The following SCN10A variants were observed in gnomAD, a reference collection of about 807,000 sequenced individuals.
SCN10A encodes the protein sodium voltage-gated channel alpha subunit 10.
In SCN10A, 162 loss-of-function variants were observed where a neutral mutation model predicts 170.7. That is an observed-to-expected ratio of 0.95 (90% confidence interval 0.84 to 1.08). The LOEUF is 1.08. Ranked by LOEUF, SCN10A falls within the 50% of genes least tolerant of loss-of-function variation. The probability of loss-of-function intolerance (pLI) is 0.00; values close to 1 mark genes in which losing one functional copy is unlikely to be tolerated. For missense variants in SCN10A, 2,527 were observed against 2,436.9 expected (o/e 1.04, Z -0.78); for synonymous variants, 985 against 904.6 (o/e 1.09, Z -1.59).
At chr3:38,724,203 CT>C (rs1429657879) in intron 18 of SCN10A, among the ~76,000 whole-genome samples, 1 of 152,198 alleles carries the variant, frequency 6.6e-6, no homozygotes, top group Non-Finnish European at 1.5e-5. Flanking sequence ...CGTCCCAGCC[CT>C]CCCTCTTATC....
chr3:38,717,917 C>G (rs1166740153), intron 21 of SCN10A, among the ~76,000 whole-genome samples: 1 of 152,250 alleles, frequency 6.6e-6, no homozygotes, highest in Non-Finnish European at 1.5e-5. Flanking sequence ...GAAGAGATGA[C>G]TGAGGAATCA....
chr3:38,768,783 T>A (rs1178798850), intron 5 of SCN10A, among the ~76,000 whole-genome samples: 2 of 152,184 alleles, frequency 1.3e-5, no homozygotes, highest in African/African-American at 2.4e-5. Flanking sequence ...GCTTCTTGTA[T>A]TTGGATATCT....
intron 13 of SCN10A, among the ~76,000 whole-genome samples, chr3:38,747,935 C>T (rs1263218453): frequency 1.3e-5 from 2 of 152,118 alleles, no homozygotes; most frequent in African/African-American, 4.8e-5. Flanking sequence ...TTCATGTCCC[C>T]TTCCCTGCTA....
At chr3:38,800,150 C>T (rs903062625) in intron 1 of SCN10A, among the ~76,000 whole-genome samples, 1 of 152,076 alleles carries the variant, frequency 6.6e-6, no homozygotes, top group Admixed American at 6.6e-5. Flanking sequence ...GAAGCTAGAA[C>T]CAAAGCTCCT....
At chr3:38,735,058 T>C (rs1161198517) in intron 15 of SCN10A, among the ~76,000 whole-genome samples, 1 of 150,320 alleles carries the variant, frequency 6.7e-6, no homozygotes, top group Non-Finnish European at 1.5e-5. Flanking sequence ...TAGTCCCAGC[T>C]ACTCAGGAGG....
intron 25 of SCN10A, among the ~76,000 whole-genome samples, chr3:38,708,426 C>G (rs545041202): frequency 6.6e-6 from 1 of 152,158 alleles, no homozygotes; most frequent in Non-Finnish European, 1.5e-5. Flanking sequence ...TCAATAATCT[C>G]AAACCTCCCC....
At chr3:38,785,520 A>G (rs1279073139) in intron 4 of SCN10A, among the ~76,000 whole-genome samples, 6 of 152,212 alleles carry the variant, frequency 3.9e-5, no homozygotes, top group Non-Finnish European at 7.4e-5. Flanking sequence ...ACCTAAAACC[A>G]TAAAAACCCT....
In SCN10A at chr3:38,802,211, G is replaced by A. The variant is rs566537729; in HGVS notation, c.-32-8169C>T. 3.2e-4 allele frequency among the ~76,000 whole-genome samples: 49 copies of A among 152,204 alleles called. 1 individual carries two copies. The South Asian group carries it at 1.0e-2, about 31-fold the overall frequency. On this transcript the variant is annotated intron_variant, in intron 1 of 27. Transcript: ENST00000449082. The stretch of plus-strand genomic sequence containing the variant: ...TTTGGGAGCTTAAATATAGCTCTGG[G>A]CCTCAGTCAACTAATCTGGCCAGCT...
In SCN10A at chr3:38,743,932, G is replaced by A. The variant is rs987720776; in HGVS notation, c.1868-1403C>T. 5.3e-5 allele frequency among the ~76,000 whole-genome samples: 8 copies of A among 152,152 alleles called. 1 individual carries two copies. The highest frequency in any genetic ancestry group is 1.0e-4 in the Non-Finnish European group (7 of 68,038). ...TAAATCTCCATGTGGATGTGTAACT[G>A]TGTTCACCTCGATGGAGGGCAATTT... On this transcript the variant is annotated intron_variant, in intron 13 of 27. Coordinates refer to ENST00000449082, the MANE Select transcript of SCN10A (RefSeq NM_006514.4).
chr3:38,756,855 C>T lies in SCN10A; in HGVS notation c.1109G>A (p.Gly370Glu). The change falls in exon 10 of 28, where the codon GGG becomes GAG. Residue 370 changes from glycine to glutamate, a missense_variant. Physicochemically the swap from Gly to Glu is moderately conservative, Grantham distance 98 (BLOSUM62 -2). Coordinates refer to ENST00000449082, the MANE Select transcript of SCN10A (RefSeq NM_006514.4). ...CACAAAAAAGATCATATAGATTTTC[C>T]CAGAAGTCCTCAGGGTCTGCAGGTT... The part of the protein sequence containing the change: ...RLYQQTLRTS[G>E]KIYMIFFVLV... 1 of 1,614,152 alleles carries T rather than the reference C, an allele frequency of 6.2e-7. No homozygotes were observed. Among genetic ancestry groups the T allele is most frequent in the Non-Finnish European group, 8.5e-7 (1 of 1,180,036 alleles).
At position 38,697,528 on chromosome 3, in the gene SCN10A, T is replaced by C. The variant is rs2063103139; in HGVS notation, c.5692A>G (p.Thr1898Ala). 1 of 1,614,180 alleles carries C rather than the reference T, an allele frequency of 6.2e-7. No individual in the cohort carries two copies. Residue 1898 changes from threonine to alanine, a missense_variant, in exon 28 of 28, where the codon ACA (threonine) becomes GCA (alanine). Coordinates refer to ENST00000449082, the MANE Select transcript of SCN10A (RefSeq NM_006514.4). ...GGGAGTACACAATTTTCATTTGCTGTGAATGCAACAAAACCTTCATCTGGG... is the reference window on the plus strand; with the variant it reads ...GGGAGTACACAATTTTCATTTGCTGCGAATGCAACAAAACCTTCATCTGGG... ...SLPDEGFVAF[T>A]ANENCVLPDK... is the part of the protein sequence containing the mutation.
chr3:38,722,081 C>T (rs2063395496), intron 20 of SCN10A, among the ~76,000 whole-genome samples, 177 bp downstream of exon 20: 1 of 152,234 alleles, frequency 6.6e-6, no homozygotes, highest in Non-Finnish European at 1.5e-5. Context: ...TGAACACCTC[C>T]CATGCTCTGC....
intron 13 of SCN10A, among the ~76,000 whole-genome samples, chr3:38,748,105 A>G (rs1337167018): frequency 1.3e-5 from 2 of 152,186 alleles, no homozygotes; most frequent in African/African-American, 2.4e-5. Flanking sequence ...TCGAGAATAA[A>G]TGAAAAAAAC....
intron 26 of SCN10A, among the ~76,000 whole-genome samples, chr3:38,704,439 C>T (rs921493057): frequency 3.9e-5 from 6 of 152,152 alleles, no homozygotes; most frequent in Admixed American, 6.6e-5. Flanking sequence ...GTGAAGTTTG[C>T]CCTGGATATT....
At chr3:38,793,273 A>G (rs1014540035) in intron 2 of SCN10A, among the ~76,000 whole-genome samples, 1 of 152,188 alleles carries the variant, frequency 6.6e-6, no homozygotes, top group Non-Finnish European at 1.5e-5. Flanking sequence ...GTATTGTTAT[A>G]CAATAGTTTT....
Position 38,725,083 on chromosome 3 carries a change from C to T in SCN10A, c.3228+91G>A, listed in dbSNP as rs1358728470. The T allele has an allele frequency of 6.2e-6, 8 of 1,282,936 alleles. No individual in the cohort carries two copies. The Admixed American group carries it at 9.5e-5, about 15-fold the overall frequency. The allele number at this position is 1,282,936 out of a possible 1,614,324, so 79.5% of individuals were successfully genotyped here. A position where few individuals can be genotyped will look rare whatever the true frequency, so the allele number is the denominator to read the frequency against. ...TGTGATTGAGTGCAGTCTGGAATAC[C>T]CCACCTTCACCGCCACCCTCCAGCC... On this transcript the variant is annotated intron_variant, in intron 18 of 27. Transcript: ENST00000449082.
Position 38,742,285 on chromosome 3 carries a change from A to G in SCN10A, c.2106+6T>C. ...CAGTGAGGGCAGTACCAGCCAGAGC[A>G]CTCACGATGTTGCCTATCTGGAGCA... On this transcript the variant is annotated splice_donor_region_variant and intron_variant, in intron 14 of 27. Coordinates refer to ENST00000449082, the MANE Select transcript of SCN10A (RefSeq NM_006514.4). 1 of 1,602,790 alleles carries G rather than the reference A, an allele frequency of 6.2e-7. No individual in the cohort carries two copies. The highest frequency in any genetic ancestry group is 8.5e-7 in the Non-Finnish European group (1 of 1,172,648).
At chr3:38,791,571 C>T (rs145555974) in intron 3 of SCN10A, among the ~76,000 whole-genome samples, 224 of 152,234 alleles carry the variant, frequency 1.5e-3, no homozygotes, top group African/African-American at 4.8e-3. Flanking sequence ...TTTTCCTTGC[C>T]CTCTGGGAGG....
At chr3:38,737,213 G>A (rs962629525) in intron 15 of SCN10A, among the ~76,000 whole-genome samples, 8 of 149,490 alleles carry the variant, frequency 5.4e-5, no homozygotes, top group Admixed American at 6.6e-5. Flanking sequence ...CTTGTGATCC[G>A]CCTGCCTCGG....
Sources: gnomAD v4.1 joint callset for allele counts (sites outside exome capture counted in the v4.1 genomes callset) on GRCh38, gnomAD v4.1.1 for gene constraint, MANE v1.5 for transcripts, NCBI Gene and HGNC (gene_info 2026-07-23, HGNC 2026-07-21) for gene names.